Variants in ADISSP observed in about 807,000 individuals in gnomAD.
ADISSP encodes adipose secreted signaling protein.
the ADISSP span, among the ~76,000 whole-genome samples, chr20:3,760,569 G>A: frequency 5.3e-5 from 8 of 152,208 alleles, no homozygotes; most frequent in African/African-American, 1.9e-4. Flanking sequence ...GACCCCAAAG[G>A]CTGGGCCTGG....
the ADISSP span, among the ~76,000 whole-genome samples, chr20:3,755,878 T>C: frequency 6.6e-6 from 1 of 152,182 alleles, no homozygotes; most frequent in Non-Finnish European, 1.5e-5. Flanking sequence ...GTGGCTCATT[T>C]CATAGACAGG....
chr20:3,757,831 T>C, the ADISSP span, among the ~76,000 whole-genome samples: 1 of 152,028 alleles, frequency 6.6e-6, no homozygotes, highest in South Asian at 2.1e-4. Context: ...TTTCGACCCA[T>C]TGGCCAGGCT....
chr20:3,760,320 C>G, the ADISSP span: 1 of 542,484 alleles, frequency 1.8e-6, no homozygotes. Context: ...TGCCTGTACT[C>G]TCTAGCACGG....
At chr20:3,762,906 C>T in the ADISSP span, among the ~76,000 whole-genome samples, 1 of 152,220 alleles carries the variant, frequency 6.6e-6, no homozygotes, top group Non-Finnish European at 1.5e-5. Flanking sequence ...TTCACCACAT[C>T]AGCTGCAAGA....
At chr20:3,753,990 C>T in the ADISSP span, 17 of 1,231,884 alleles carry the variant, frequency 1.4e-5, no homozygotes, top group Admixed American at 3.6e-5. Context: ...CACACCATCA[C>T]GCAGCATGTC....
the ADISSP span, chr20:3,754,487 T>C: frequency 1.9e-6 from 3 of 1,613,970 alleles, no homozygotes; most frequent in Admixed American, 3.3e-5. Flanking sequence ...ACGCCCTCTT[T>C]GTGCGCCGAG....
chr20:3,760,287 A>G, the ADISSP span: 1 of 585,630 alleles, frequency 1.7e-6, no homozygotes, highest in Non-Finnish European at 3.1e-6. Flanking sequence ...TCAAACCCCT[A>G]CCGCTCTCAG....
chr20:3,754,416 C>A, the ADISSP span: 1 of 1,613,888 alleles, frequency 6.2e-7, no homozygotes, highest in Non-Finnish European at 8.5e-7. Flanking sequence ...GGGCCTGCAC[C>A]GTCACGCGCA....
chr20:3,755,688 C>T, the ADISSP span: 5 of 1,264,176 alleles, frequency 4.0e-6, no homozygotes, highest in Admixed American at 3.8e-5. Context: ...ACCTATGATC[C>T]CATGCGCCCC....
chr20:3,755,423 T>C, the ADISSP span: 1 of 1,582,418 alleles, frequency 6.3e-7, no homozygotes, highest in South Asian at 1.1e-5. Context: ...CACCCCATGT[T>C]CTCACTCCCA....
the ADISSP span, among the ~76,000 whole-genome samples, chr20:3,756,632 C>A: frequency 6.6e-6 from 1 of 152,208 alleles, no homozygotes; most frequent in African/African-American, 2.4e-5. Flanking sequence ...CATGTGCCCC[C>A]CTCATGCTCT....
At chr20:3,754,005 G>GGACAA in the ADISSP span, 1 of 1,356,450 alleles carries the variant, frequency 7.4e-7, no homozygotes, top group Non-Finnish European at 1.0e-6. Context: ...CATGTCGGGG[G>GGACAA]GACAAGGCGG....
At chr20:3,758,076 TA>T in the ADISSP span, among the ~76,000 whole-genome samples, 6 of 151,692 alleles carry the variant, frequency 4.0e-5, no homozygotes, top group African/African-American at 9.7e-5. This position sits in a 1 kb window ranked among gnomAD's most constrained non-coding sequence, Gnocchi z 5.5. Flanking sequence ...AAAGAAGGGT[TA>T]AAAAAAAAGT....
chr20:3,753,965 G>A, the ADISSP span: 1 of 952,416 alleles, frequency 1.0e-6, no homozygotes, highest in Admixed American at 2.0e-5. Context: ...CCACCCCAGA[G>A]AGGGGCGAGG....
chr20:3,753,683 A>C, the ADISSP span: 1 of 288,500 alleles, frequency 3.5e-6, no homozygotes, highest in Non-Finnish European at 6.8e-6. Context: ...AGGCAGCAGT[A>C]ATGGGGCCAC....
chr20:3,759,221 G>A, the ADISSP span, among the ~76,000 whole-genome samples: 4,872 of 152,240 alleles, frequency 0.032, 106 homozygotes, highest in Middle Eastern at 0.092. The surrounding 1 kb of genome is among the most constrained non-coding windows in gnomAD (Gnocchi z 4.6). Flanking sequence ...ACACACTCAG[G>A]CCACCTGGGC....
chr20:3,763,483 G>T, the ADISSP span, among the ~76,000 whole-genome samples: 1 of 151,548 alleles, frequency 6.6e-6, no homozygotes, highest in African/African-American at 2.4e-5. Context: ...CTTGAACCCA[G>T]GAGGCGGAGG....
chr20:3,760,185 G>T, the ADISSP span: 1 of 1,183,714 alleles, frequency 8.4e-7, no homozygotes, highest in Non-Finnish European at 1.2e-6. Context: ...ACCAGCGGGA[G>T]CCTGAAGGAT....
the ADISSP span, chr20:3,754,049 C>T: frequency 2.5e-6 from 4 of 1,606,326 alleles, 1 homozygote; most frequent in South Asian, 4.4e-5. Context: ...GCAGGCGGGG[C>T]CTCGGGCCTC....
Sources: gnomAD v4.1 joint callset for allele counts (sites outside exome capture counted in the v4.1 genomes callset) on GRCh38, gnomAD v4.1.1 for gene constraint, Gnocchi (gnomAD v3.1) non-coding constraint, MANE v1.5 for transcripts, NCBI Gene and HGNC (gene_info 2026-07-23, HGNC 2026-07-21) for gene names.